Variants in SGCD observed in about 807,000 individuals in gnomAD.
The protein encoded by SGCD is sarcoglycan delta.
SGCD carries 18 observed loss-of-function variants against 36.6 expected under a neutral mutation model. The ratio of observed to expected loss-of-function variants is 0.49; its 90% CI spans 0.34 to 0.73. The LOEUF is 0.73. Ranked by LOEUF, SGCD falls within the 30% of genes least tolerant of loss-of-function variation. The pLI is 0.01. For synonymous variants in SGCD, 133 were observed against 130.6 expected (o/e 1.02, Z -0.12); for missense variants, 387 against 346.7 (o/e 1.12, Z -0.92).
chr5:156,123,657 A>G (rs563845996), intron 2 of SGCD, among the ~76,000 whole-genome samples: 13 of 152,266 alleles, frequency 8.5e-5, no homozygotes, highest in South Asian at 6.2e-4. Context: ...GCCTTGATAT[A>G]CTATGAAATT....
At position 156,030,053 on chromosome 5, in the gene SGCD, C is replaced by T. The variant is rs115826995; in HGVS notation, c.-281-87825C>T. On this transcript the variant is annotated intron_variant, in intron 1 of 9. Transcript: ENST00000517913. ...TGTGCTCAGATACTAGTTAAGGTAA[C>T]GGGTGCTTAGTTACATTCTACTTTA... Among the ~76,000 whole-genome samples the T allele has an allele frequency of 1.5e-3, 225 of 152,206 alleles. 2 individuals are homozygous for T. The highest frequency in any genetic ancestry group is 2.7e-3 in the Non-Finnish European group (182 of 68,018).
At chr5:156,423,369 T>C (rs1158861573) in intron 3 of SGCD, among the ~76,000 whole-genome samples, 1 of 105,306 alleles carries the variant, frequency 9.5e-6, no homozygotes, top group African/African-American at 4.0e-5. Flanking sequence ...TAATATATTA[T>C]ATTTTATTAT....
chr5:155,791,863 C>T, the SGCD span, among the ~76,000 whole-genome samples: 1 of 152,130 alleles, frequency 6.6e-6, no homozygotes, highest in Non-Finnish European at 1.5e-5. Flanking sequence ...AATGCTATCC[C>T]TATGAAAATA....
chr5:156,638,661 A>C (rs1444619136), intron 6 of SGCD, among the ~76,000 whole-genome samples: 1 of 152,206 alleles, frequency 6.6e-6, no homozygotes, highest in Non-Finnish European at 1.5e-5. Flanking sequence ...CGATGTACTC[A>C]TAAGAAACTG....
At chr5:156,111,890 T>C (rs1761796704) in intron 1 of SGCD, among the ~76,000 whole-genome samples, 1 of 152,058 alleles carries the variant, frequency 6.6e-6, no homozygotes, top group South Asian at 2.1e-4. Context: ...GTGATTCTCC[T>C]GCCTCAGCCT....
chr5:156,293,860 A>G (rs1358056311), intron 3 of SGCD, among the ~76,000 whole-genome samples: 2 of 152,292 alleles, frequency 1.3e-5, no homozygotes, highest in East Asian at 3.9e-4. Context: ...AAAGAAAAGA[A>G]AAGAAAAAGA....
the SGCD span, among the ~76,000 whole-genome samples, chr5:155,839,939 T>TTC: frequency 3.1e-4 from 13 of 41,372 alleles, no homozygotes; most frequent in African/African-American, 1.1e-3. Context: ...TTGAAAACAC[T>TTC]TTTTTTTTTT....
chr5:156,468,488 G>T (rs1754811654), intron 3 of SGCD, among the ~76,000 whole-genome samples: 1 of 151,986 alleles, frequency 6.6e-6, no homozygotes, highest in African/African-American at 2.4e-5. Flanking sequence ...ACTAAAAGTA[G>T]AAATAATTAT....
At chr5:156,217,632 C>T (rs1326995299) in intron 3 of SGCD, among the ~76,000 whole-genome samples, 2 of 152,086 alleles carry the variant, frequency 1.3e-5, no homozygotes, top group Non-Finnish European at 2.9e-5. Context: ...GCTGAGAATG[C>T]TTTAACCCAG....
chr5:156,743,108 C>CTTTT (rs56296250), intron 7 of SGCD, among the ~76,000 whole-genome samples: 2 of 110,372 alleles, frequency 1.8e-5, no homozygotes, highest in Admixed American at 9.4e-5. Flanking sequence ...CTTCCTACAT[C>CTTTT]TTTTTTTTTT....
chr5:156,201,157 A>G (rs62380744), intron 3 of SGCD, among the ~76,000 whole-genome samples: 46,930 of 151,974 alleles, frequency 0.31, 7,723 homozygotes, highest in East Asian at 0.6. Flanking sequence ...AGTTCCAAAG[A>G]TCTGTTGCAC....
the SGCD span, among the ~76,000 whole-genome samples, chr5:155,790,522 A>G: frequency 6.6e-6 from 1 of 152,208 alleles, no homozygotes; most frequent in East Asian, 1.9e-4. Context: ...TGACATGTCT[A>G]TATCAAAGTG....
At chr5:156,293,669 T>C (rs905062499) in intron 3 of SGCD, among the ~76,000 whole-genome samples, 11 of 152,182 alleles carry the variant, frequency 7.2e-5, no homozygotes, top group African/African-American at 2.7e-4. Context: ...TCCGTTGGTC[T>C]ATGTATCTGT....
At chr5:156,637,003 C>A (rs1479291312) in intron 6 of SGCD, among the ~76,000 whole-genome samples, 1 of 152,052 alleles carries the variant, frequency 6.6e-6, no homozygotes, top group East Asian at 1.9e-4. Context: ...TTGGCTGTGT[C>A]CCTAGCCAAA....
the SGCD span, among the ~76,000 whole-genome samples, chr5:155,730,445 C>CTGTGTGTGTGTG: frequency 0.027 from 3,658 of 137,262 alleles, 88 homozygotes; most frequent in Middle Eastern, 0.053. Context: ...GGTAGAGCAG[C>CTGTGTGTGTGTG]TGTGTGTGTG....
intron 1 of SGCD, among the ~76,000 whole-genome samples, chr5:155,888,237 C>T (rs1372491068): frequency 6.6e-6 from 1 of 152,218 alleles, no homozygotes; most frequent in African/African-American, 2.4e-5. Context: ...CCTCTAATCC[C>T]TTCTCAAAGT....
chr5:156,001,359 G>T (rs1425327301), intron 1 of SGCD, among the ~76,000 whole-genome samples: 1 of 152,126 alleles, frequency 6.6e-6, no homozygotes. Flanking sequence ...GTTTTATGGG[G>T]AACTGGCAAA....
intron 6 of SGCD, among the ~76,000 whole-genome samples, chr5:156,606,293 T>A (rs2113437477): frequency 6.6e-6 from 1 of 152,240 alleles, no homozygotes; most frequent in East Asian, 1.9e-4. Flanking sequence ...CACCATTTAT[T>A]AAATAGGGAA....
intron 3 of SGCD, among the ~76,000 whole-genome samples, chr5:156,285,825 G>A (rs1179534714): frequency 6.6e-6 from 1 of 152,052 alleles, no homozygotes; most frequent in African/African-American, 2.4e-5. Flanking sequence ...TTGACAAATG[G>A]GATCTAATTA....
Sources: gnomAD v4.1 joint callset for allele counts (sites outside exome capture counted in the v4.1 genomes callset) on GRCh38, gnomAD v4.1.1 for gene constraint, MANE v1.5 for transcripts, NCBI Gene and HGNC (gene_info 2026-07-23, HGNC 2026-07-21) for gene names.